The following NELL2 variants were observed in gnomAD, a reference collection of about 807,000 sequenced individuals.
NELL2 encodes protein kinase C-binding protein NELL2.
Under a neutral mutation model 109.6 loss-of-function variants are expected in NELL2, and 41 were observed. The ratio of observed to expected loss-of-function variants is 0.37; its 90% CI spans 0.29 to 0.49. The LOEUF (loss-of-function observed/expected upper bound fraction) is 0.49. Among genes scored for constraint, NELL2 ranks in the 20% least tolerant of loss-of-function variants. The probability of loss-of-function intolerance (pLI) is 0.98; values close to 1 mark genes in which losing one functional copy is unlikely to be tolerated. For missense variants in NELL2, 900 were observed against 1,008.3 expected (o/e 0.89, Z 1.45); for synonymous variants, 355 against 344.7 (o/e 1.03, Z -0.33).
At chr12:44,662,768 T>C (rs1947790206) in intron 13 of NELL2, among the ~76,000 whole-genome samples, 1 of 152,248 alleles carries the variant, frequency 6.6e-6, no homozygotes, top group African/African-American at 2.4e-5. Context: ...AGAATGTCTA[T>C]GATTAATTTC....
At chr12:44,767,964 A>C (rs963311538) in intron 9 of NELL2, among the ~76,000 whole-genome samples, 2 of 152,162 alleles carry the variant, frequency 1.3e-5, no homozygotes, top group Non-Finnish European at 2.9e-5. Flanking sequence ...AAAATACTGT[A>C]CTAGGATTGG....
At chr12:44,875,607 A>G (rs759962097) in intron 1 of NELL2, 1 of 1,611,522 alleles carries the variant, frequency 6.2e-7, no homozygotes, top group African/African-American at 1.3e-5. Flanking sequence ...CAGCCCTCCG[A>G]CCCTGGACTA....
intron 3 of NELL2, among the ~76,000 whole-genome samples, chr12:44,783,289 A>G (rs1429819930): frequency 6.6e-6 from 1 of 151,780 alleles, no homozygotes. Flanking sequence ...AAAGAAGATA[A>G]GTCCCAAATC....
intron 7 of NELL2, among the ~76,000 whole-genome samples, chr12:44,776,801 A>G (rs2136590267): frequency 6.6e-6 from 1 of 152,348 alleles, no homozygotes; most frequent in Admixed American, 6.5e-5. Context: ...ATCCTCCTGT[A>G]GTAAGCAGTG....
At chr12:44,848,847 C>T (rs888968701) in intron 2 of NELL2, among the ~76,000 whole-genome samples, 3 of 152,120 alleles carry the variant, frequency 2.0e-5, no homozygotes, top group Admixed American at 6.6e-5. Flanking sequence ...AAGCCAGTAA[C>T]CCCCAAGTGG....
At chr12:44,512,456 T>C (rs1941041480) in intron 19 of NELL2, among the ~76,000 whole-genome samples, 1 of 151,530 alleles carries the variant, frequency 6.6e-6, no homozygotes, top group South Asian at 2.1e-4. Flanking sequence ...TAACATATGA[T>C]CCAGCAATCT....
At chr12:44,705,527 T>C (rs1937825633) in intron 11 of NELL2, among the ~76,000 whole-genome samples, 1 of 152,194 alleles carries the variant, frequency 6.6e-6, no homozygotes, top group Admixed American at 6.5e-5. Context: ...TGCTTTCTCC[T>C]AGGATCTTTT....
At chr12:44,599,733 C>T (rs1945124346) in intron 15 of NELL2, among the ~76,000 whole-genome samples, 1 of 152,020 alleles carries the variant, frequency 6.6e-6, no homozygotes, top group African/African-American at 2.4e-5. Flanking sequence ...TAAAGGAGTC[C>T]CTAGCAAGGT....
chr12:44,873,439 G>A (rs568525277), intron 2 of NELL2, among the ~76,000 whole-genome samples: 2 of 152,094 alleles, frequency 1.3e-5, no homozygotes, highest in East Asian at 3.9e-4. Flanking sequence ...AAAAGTTATC[G>A]ATTCCTGAGA....
intron 13 of NELL2, among the ~76,000 whole-genome samples, chr12:44,657,415 T>A (rs1187819336): frequency 6.6e-6 from 1 of 152,208 alleles, no homozygotes; most frequent in East Asian, 1.9e-4. Flanking sequence ...CAGCCGTTTA[T>A]TCCACTACCA....
intron 9 of NELL2, among the ~76,000 whole-genome samples, chr12:44,723,247 G>C (rs760094517): frequency 5.3e-5 from 8 of 151,926 alleles, no homozygotes; most frequent in Non-Finnish European, 1.0e-4. Flanking sequence ...AAAATTCTGA[G>C]GGTAGGACTT....
chr12:44,702,652 G>A (rs1216694100), intron 12 of NELL2, among the ~76,000 whole-genome samples: 1 of 152,092 alleles, frequency 6.6e-6, no homozygotes, highest in African/African-American at 2.4e-5. Context: ...CTTTTAAGAT[G>A]AGGAATTTTA....
chr12:44,551,251 TA>T (rs1488109424), intron 15 of NELL2, among the ~76,000 whole-genome samples: 2 of 152,326 alleles, frequency 1.3e-5, no homozygotes, highest in East Asian at 3.9e-4. Context: ...ATTTAAAATC[TA>T]CATCTTTCAT....
chr12:44,569,561 A>G (rs765674046), intron 15 of NELL2, among the ~76,000 whole-genome samples: 3 of 152,192 alleles, frequency 2.0e-5, no homozygotes, highest in Non-Finnish European at 4.4e-5. Flanking sequence ...ATAAGTGAAA[A>G]TAGTTTTAGT....
chr12:44,613,055 T>C (rs1464577801), intron 13 of NELL2, among the ~76,000 whole-genome samples: 1 of 151,984 alleles, frequency 6.6e-6, no homozygotes, highest in African/African-American at 2.4e-5. Flanking sequence ...TTTACATATA[T>C]ATATATGTTC....
rs12580129 is a variant in NELL2, at chr12:44,659,333, A to T, written c.1444+6151T>A. On this transcript the variant is annotated intron_variant, in intron 13 of 19. Coordinates refer to ENST00000429094, the MANE Select transcript of NELL2 (RefSeq NM_001145108.2). ...ACCAAAAGCAATGGTAACAAAAGCC[A>T]AAATTGACAAATGGGGTCTAATTAA... is the stretch of plus-strand genomic sequence containing the variant. Among the ~76,000 whole-genome samples, 57 of 152,364 alleles carry T rather than the reference A, an allele frequency of 3.7e-4. No homozygotes were observed. In the East Asian group the frequency reaches 0.01, roughly 27 times the overall value.
intron 15 of NELL2, among the ~76,000 whole-genome samples, chr12:44,552,713 A>G (rs940011950): frequency 2.0e-5 from 3 of 152,180 alleles, no homozygotes; most frequent in Non-Finnish European, 4.4e-5. Flanking sequence ...AAGAACAAAA[A>G]GAAGCCAGTT....
chr12:44,739,691 G>A (rs978397415), intron 9 of NELL2, among the ~76,000 whole-genome samples: 1 of 152,170 alleles, frequency 6.6e-6, no homozygotes, highest in Non-Finnish European at 1.5e-5. Flanking sequence ...AGCAGTTCGG[G>A]ACCAGCCTGG....
chr12:44,701,143 C>G (rs992407154), intron 12 of NELL2, among the ~76,000 whole-genome samples: 1 of 151,906 alleles, frequency 6.6e-6, no homozygotes, highest in African/African-American at 2.4e-5. Flanking sequence ...AAAACATCCT[C>G]AAAGTTAGCA....
Sources: gnomAD v4.1 joint callset for allele counts (sites outside exome capture counted in the v4.1 genomes callset) on GRCh38, gnomAD v4.1.1 for gene constraint, MANE v1.5 for transcripts, NCBI Gene and HGNC (gene_info 2026-07-23, HGNC 2026-07-21) for gene names.